CTDSPL: variants seen among roughly 807,000 people sequenced by gnomAD.
CTDSPL encodes CTD small phosphatase-like protein.
In CTDSPL, 8 loss-of-function variants were observed where a neutral mutation model predicts 30.5. The observed-to-expected ratio is 0.26, with a 90% CI of 0.15 to 0.47. The LOEUF is 0.47. CTDSPL is among the 20% of genes least tolerant of loss of function. The pLI is 0.99. For synonymous variants in CTDSPL, 110 were observed against 137.9 expected, an observed-to-expected ratio of 0.80 and a Z score of 1.42; for missense variants, 248 against 366.1, an observed-to-expected ratio of 0.68 and a Z score of 2.63.
chr3:37,932,368 G>A (rs535838156), intron 1 of CTDSPL, among the ~76,000 whole-genome samples: 11 of 152,174 alleles, frequency 7.2e-5, no homozygotes, highest in East Asian at 1.9e-4. Context: ...CTGCAGATCC[G>A]TAACAACTAT....
intron 1 of CTDSPL, among the ~76,000 whole-genome samples, chr3:37,871,669 G>A (rs1348658123): frequency 6.6e-6 from 1 of 152,170 alleles, no homozygotes; most frequent in African/African-American, 2.4e-5. Flanking sequence ...TAAACTGGGG[G>A]AGTTTTCAGG....
intron 1 of CTDSPL, among the ~76,000 whole-genome samples, chr3:37,865,958 G>C (rs1432112136): frequency 3.3e-5 from 5 of 152,242 alleles, no homozygotes; most frequent in Admixed American, 2.0e-4. Flanking sequence ...GAGGGGAGAA[G>C]ATTGAAAATA....
chr3:37,936,182 A>G (rs537758668), intron 1 of CTDSPL, among the ~76,000 whole-genome samples: 1 of 152,168 alleles, frequency 6.6e-6, no homozygotes, highest in Non-Finnish European at 1.5e-5. Context: ...TGGAGGGACT[A>G]CTGCCAGTAC....
intron 1 of CTDSPL, among the ~76,000 whole-genome samples, chr3:37,925,348 G>T (rs1698769090): frequency 6.6e-6 from 1 of 152,108 alleles, no homozygotes; most frequent in South Asian, 2.1e-4. Flanking sequence ...TCCTGTAAAA[G>T]GCATACCCTC....
At chr3:37,904,714 C>G (rs1039689298) in intron 1 of CTDSPL, among the ~76,000 whole-genome samples, 1 of 152,232 alleles carries the variant, frequency 6.6e-6, no homozygotes, top group African/African-American at 2.4e-5. Context: ...GAGTCCCTTT[C>G]TTCCCACATG....
At chr3:37,972,398 A>C (rs1699377562) in intron 6 of CTDSPL, among the ~76,000 whole-genome samples, 1 of 152,148 alleles carries the variant, frequency 6.6e-6, no homozygotes, top group African/African-American at 2.4e-5. Flanking sequence ...AGGCTGAGGC[A>C]CGAGAATTGC....
chr3:37,975,959 A>C lies in CTDSPL; in HGVS notation c.705+65A>C. 6.5e-7 allele frequency: 1 copy of C among 1,538,488 alleles called. No individual in the cohort carries two copies. The highest frequency in any genetic ancestry group is 1.8e-5 in the Admixed American group (1 of 55,844). On this transcript the variant is annotated intron_variant, in intron 7 of 7. Transcript: ENST00000273179. The surrounding 1 kb of genome is among the most constrained non-coding windows in gnomAD (Gnocchi z 4.9). ...GAGCCCTCTGTCTTGCCAGGCAGGT[A>C]CCACTTTTGAGCACCTACACAAGAA...
Position 37,981,970 on chromosome 3 carries a change from G to T in CTDSPL, c.*1103G>T. 2.2e-6 allele frequency: 1 copy of T among 449,208 alleles called. No individual in the cohort carries two copies. Among genetic ancestry groups the T allele is most frequent in the South Asian group, 1.6e-5 (1 of 63,890 alleles). The allele number at this position is 449,208 out of a possible 1,614,324, so 27.8% of individuals were successfully genotyped here. ...ACTGCTAAGCTACAAACTCGGACAG[G>T]GTCAGAAACAGAGGTGTCCCATCCC... On this transcript the variant is annotated 3_prime_UTR_variant, in exon 8 of 8. Coordinates refer to ENST00000273179, the MANE Select transcript of CTDSPL (RefSeq NM_001008392.2).
chr3:37,960,473 T>C (rs1202503553), intron 3 of CTDSPL, among the ~76,000 whole-genome samples: 4 of 34,774 alleles, frequency 1.2e-4, no homozygotes, highest in Admixed American at 4.0e-4. Context: ...AGAGCAAAAC[T>C]CTGTCTCAAA....
intron 1 of CTDSPL, among the ~76,000 whole-genome samples, chr3:37,928,061 C>G (rs531815288): frequency 7.9e-5 from 12 of 152,132 alleles, no homozygotes; most frequent in African/African-American, 2.7e-4. Context: ...TGCTGTGGCA[C>G]GTGTCAAAAT....
At chr3:37,865,892 C>T (rs906191686) in intron 1 of CTDSPL, among the ~76,000 whole-genome samples, 2 of 152,042 alleles carry the variant, frequency 1.3e-5, no homozygotes, top group African/African-American at 2.4e-5. Context: ...TTGCTGCAAA[C>T]AGAGTGAGGA....
intron 1 of CTDSPL, among the ~76,000 whole-genome samples, chr3:37,912,340 T>G (rs1698593485): frequency 1.3e-5 from 2 of 152,322 alleles, no homozygotes; most frequent in Non-Finnish European, 2.9e-5. Flanking sequence ...TAACAGGATT[T>G]GTAGTACCCA....
In CTDSPL at chr3:37,984,146, T is replaced by C. The variant is rs1420353406; in HGVS notation, c.*3279T>C. 2.2e-6 allele frequency: 1 copy of C among 451,472 alleles called. No homozygotes were observed. The highest frequency in any genetic ancestry group is 4.5e-6 in the Non-Finnish European group (1 of 222,518). 28.0% of individuals were successfully genotyped at this position (451,472 alleles called of 1,614,324 possible). On this transcript the variant is annotated 3_prime_UTR_variant, in exon 8 of 8. Coordinates refer to ENST00000273179, the MANE Select transcript of CTDSPL (RefSeq NM_001008392.2). ...CATGCCAGGGTTCGAGAAGAGTGAATGGCTTGACGTACTTGCAGTTAACTG... is the reference window on the plus strand; with the variant it reads ...CATGCCAGGGTTCGAGAAGAGTGAACGGCTTGACGTACTTGCAGTTAACTG...
intron 1 of CTDSPL, among the ~76,000 whole-genome samples, chr3:37,933,121 C>G (rs908950999): frequency 6.7e-6 from 1 of 149,488 alleles, no homozygotes; most frequent in Non-Finnish European, 1.5e-5. Flanking sequence ...CCACTACACT[C>G]CAGCCTGGGT....
intron 2 of CTDSPL, among the ~76,000 whole-genome samples, chr3:37,955,732 CTT>C (rs1699163727): frequency 6.6e-6 from 1 of 152,176 alleles, no homozygotes; most frequent in East Asian, 1.9e-4. Flanking sequence ...AAGACTATCT[CTT>C]GGGTACAGTG....
At chr3:37,955,564 CA>C (rs1699162071) in intron 2 of CTDSPL, among the ~76,000 whole-genome samples, 1 of 152,148 alleles carries the variant, frequency 6.6e-6, no homozygotes, top group African/African-American at 2.4e-5. Flanking sequence ...AGCTGGAGGC[CA>C]TTAATCTAAG....
chr3:37,948,808 CTTTTTTTTT>C (rs71635858), intron 2 of CTDSPL, among the ~76,000 whole-genome samples: 4 of 108,150 alleles, frequency 3.7e-5, no homozygotes, highest in Admixed American at 1.0e-4. Flanking sequence ...TTCCAGCTTT[CTTTTTTTTT>C]TTTTTTTTTT....
intron 5 of CTDSPL, among the ~76,000 whole-genome samples, chr3:37,970,080 G>A (rs186549812): frequency 2.0e-5 from 3 of 152,156 alleles, no homozygotes; most frequent in African/African-American, 4.8e-5. Flanking sequence ...CTGCTGCTCC[G>A]GCTTCTCTCA....
At chr3:37,956,991 C>A in intron 2 of CTDSPL, 120 bp from the exon 3 acceptor site, 2 of 842,872 alleles carry the variant, frequency 2.4e-6, no homozygotes, top group Non-Finnish European at 3.9e-6. Context: ...TTAAACACCA[C>A]CAAGGTACAG....
Sources: gnomAD v4.1 joint callset for allele counts (sites outside exome capture counted in the v4.1 genomes callset) on GRCh38, gnomAD v4.1.1 for gene constraint, Gnocchi (gnomAD v3.1) non-coding constraint, MANE v1.5 for transcripts, NCBI Gene and HGNC (gene_info 2026-07-23, HGNC 2026-07-21) for gene names.